PTPRG: variants seen among roughly 807,000 people sequenced by gnomAD.
PTPRG encodes the protein receptor-type tyrosine-protein phosphatase gamma.
In PTPRG, 102 loss-of-function variants were observed where a neutral mutation model predicts 165.3. The observed-to-expected ratio is 0.62, with a 90% CI of 0.53 to 0.73. The LOEUF (loss-of-function observed/expected upper bound fraction) is 0.73. Among genes scored for constraint, PTPRG ranks in the 30% least tolerant of loss-of-function variants. The pLI is 0.00. For synonymous variants in PTPRG, 675 were observed against 669.5 expected (o/e 1.01, Z -0.13); for missense variants, 1,866 against 1,861.4 (o/e 1.00, Z -0.05).
intron 10 of PTPRG, among the ~76,000 whole-genome samples, chr3:62,201,283 C>T (rs1427282392): frequency 6.6e-6 from 1 of 152,178 alleles, no homozygotes; most frequent in Non-Finnish European, 1.5e-5. Flanking sequence ...AGACAGGGGT[C>T]AGCACGCTAC....
chr3:61,974,328 C>T (rs555907180), intron 2 of PTPRG, among the ~76,000 whole-genome samples: 1 of 151,894 alleles, frequency 6.6e-6, no homozygotes, highest in Non-Finnish European at 1.5e-5. Flanking sequence ...CTGAGGTGGG[C>T]AGATCACCTG....
At chr3:61,827,539 T>C (rs2036148003) in intron 2 of PTPRG, among the ~76,000 whole-genome samples, 2 of 152,212 alleles carry the variant, frequency 1.3e-5, no homozygotes, top group African/African-American at 4.8e-5. Context: ...CATGATATTT[T>C]GTGACATCCC....
intron 2 of PTPRG, among the ~76,000 whole-genome samples, chr3:61,861,993 T>G (rs1402174653): frequency 6.6e-6 from 1 of 152,204 alleles, no homozygotes. Context: ...TGTATCATCA[T>G]GTAATAATAC....
At chr3:61,707,424 C>A (rs2031319433) in intron 1 of PTPRG, among the ~76,000 whole-genome samples, 1 of 100,592 alleles carries the variant, frequency 9.9e-6, no homozygotes, top group African/African-American at 3.7e-5. Flanking sequence ...AGATCTAGTT[C>A]AAGGCCAGCA....
intron 26 of PTPRG, among the ~76,000 whole-genome samples, chr3:62,281,163 A>G (rs1702417637): frequency 6.6e-6 from 1 of 152,116 alleles, no homozygotes; most frequent in Admixed American, 6.6e-5. Flanking sequence ...CAGTTCAACT[A>G]CAGAATTATT....
At position 62,231,279 on chromosome 3, in the gene PTPRG, T is replaced by G. The variant is rs1700895892; in HGVS notation, c.2343T>G (p.Pro781=). ...KGFPRRFREV[P]SSGERGEKGS... ...TTCCCAGACGTTTCCGTGAAGTGCC[T>G]TCTTCTGGGGAGAGAGGAGAGAAGG... The change falls in exon 14 of 30, where the codon CCT becomes CCG. Residue 781 remains proline (P), a synonymous_variant. Transcript: ENST00000474889. 1.9e-6 allele frequency: 3 copies of G among 1,597,990 alleles called. No individual in the cohort carries two copies. The highest frequency in any genetic ancestry group is 2.3e-5 in the East Asian group (1 of 43,714).
chr3:61,751,768 A>T (rs2033439589), intron 2 of PTPRG, among the ~76,000 whole-genome samples: 1 of 152,172 alleles, frequency 6.6e-6, no homozygotes, highest in Non-Finnish European at 1.5e-5. Flanking sequence ...AGGTGGGCGG[A>T]TCGCGAGGTC....
chr3:61,767,874 A>G (rs1399131595), intron 2 of PTPRG, among the ~76,000 whole-genome samples: 1 of 151,050 alleles, frequency 6.6e-6, no homozygotes, highest in Non-Finnish European at 1.5e-5. Flanking sequence ...GGAGGCTTAC[A>G]TAGGAGGATT....
At chr3:61,604,458 A>G (rs73838873) in intron 1 of PTPRG, among the ~76,000 whole-genome samples, 2,518 of 152,370 alleles carry the variant, frequency 0.017, 75 homozygotes, top group African/African-American at 0.057. Context: ...GTAGGAGCCC[A>G]GCTCAGATCA....
chr3:61,935,591 C>T (rs754886602), intron 2 of PTPRG, among the ~76,000 whole-genome samples: 2 of 151,926 alleles, frequency 1.3e-5, no homozygotes, highest in Admixed American at 1.3e-4. Flanking sequence ...CATTTTATAC[C>T]ACTGTTAGTA....
chr3:61,622,189 T>A (rs894902309), intron 1 of PTPRG, among the ~76,000 whole-genome samples: 1 of 152,202 alleles, frequency 6.6e-6, no homozygotes, highest in Admixed American at 6.5e-5. Context: ...TGCCTCCCTC[T>A]CCAACACCTC....
intron 2 of PTPRG, among the ~76,000 whole-genome samples, chr3:61,958,863 G>A (rs973448718): frequency 3.9e-5 from 6 of 152,166 alleles, no homozygotes; most frequent in Admixed American, 1.3e-4. Flanking sequence ...AAATCCACAC[G>A]AACTTACTTT....
chr3:61,584,122 C>G (rs968390733), intron 1 of PTPRG, among the ~76,000 whole-genome samples: 1 of 152,188 alleles, frequency 6.6e-6, no homozygotes, highest in Non-Finnish European at 1.5e-5. Flanking sequence ...GACAGCCTCT[C>G]TGGAGGAGAC....
chr3:61,929,749 T>C (rs1205140866), intron 2 of PTPRG, among the ~76,000 whole-genome samples: 1 of 152,352 alleles, frequency 6.6e-6, no homozygotes, highest in African/African-American at 2.4e-5. Context: ...TGGGCTGCAG[T>C]GATTCAGGAG....
chr3:62,097,421 T>A (rs1559501926), intron 5 of PTPRG, among the ~76,000 whole-genome samples: 1 of 152,094 alleles, frequency 6.6e-6, no homozygotes, highest in Non-Finnish European at 1.5e-5. Context: ...GGTCTGACAT[T>A]TTCACGTAAA....
chr3:61,899,022 C>T (rs1317938135), intron 2 of PTPRG, among the ~76,000 whole-genome samples: 1 of 152,156 alleles, frequency 6.6e-6, no homozygotes. Context: ...GATCCTCCCA[C>T]CTCAGCCTCC....
At chr3:61,600,621 C>A (rs973557174) in intron 1 of PTPRG, among the ~76,000 whole-genome samples, 1 of 152,142 alleles carries the variant, frequency 6.6e-6, no homozygotes, top group Non-Finnish European at 1.5e-5. Context: ...CCCACTGCAG[C>A]CTTAATCTCT....
intron 5 of PTPRG, among the ~76,000 whole-genome samples, chr3:62,111,477 T>G (rs1702664222): frequency 6.6e-6 from 1 of 152,134 alleles, no homozygotes; most frequent in South Asian, 2.1e-4. Context: ...AGAGACAAGG[T>G]CTTTCTCTGT....
chr3:61,711,683 T>C (rs188135159), intron 1 of PTPRG, among the ~76,000 whole-genome samples: 8 of 152,330 alleles, frequency 5.3e-5, no homozygotes, highest in African/African-American at 1.9e-4. Context: ...TTTTGCAATG[T>C]GTACATCTGA....
Sources: allele counts gnomAD v4.1 joint callset (sites outside exome capture counted in the v4.1 genomes callset), GRCh38; gene constraint gnomAD v4.1.1; transcripts MANE v1.5; gene names NCBI Gene and HGNC (gene_info 2026-07-23, HGNC 2026-07-21).